The following FER1L6 variants were observed in gnomAD, a reference collection of about 807,000 sequenced individuals.
FER1L6 encodes the protein fer-1 like family member 6.
In FER1L6, 177 loss-of-function variants were observed where a neutral mutation model predicts 219.2. That is an observed-to-expected ratio of 0.81 (90% confidence interval 0.71 to 0.91). The LOEUF is 0.91. Ranked by LOEUF, FER1L6 falls within the 40% of genes least tolerant of loss-of-function variation. The pLI is 0.00. For missense variants in FER1L6, 2,153 were observed against 2,259.9 expected (o/e 0.95, Z 0.96); for synonymous variants, 768 against 824.3 (o/e 0.93, Z 1.17).
At chr8:124,040,301 T>G (rs1819428045) in intron 20 of FER1L6, 5 of 399,122 alleles carry the variant, frequency 1.3e-5, no homozygotes, top group Non-Finnish European at 2.4e-5. Context: ...CGAGGCCAAG[T>G]GCAGTGGGGA....
At chr8:123,982,345 T>C (rs1358622504) in intron 11 of FER1L6, among the ~76,000 whole-genome samples, 2 of 152,132 alleles carry the variant, frequency 1.3e-5, no homozygotes, top group Non-Finnish European at 2.9e-5. Context: ...AGTCGAAATA[T>C]CTTTAAGATA....
At chr8:124,016,279 T>A (rs1818196782) in intron 15 of FER1L6, among the ~76,000 whole-genome samples, 1 of 152,200 alleles carries the variant, frequency 6.6e-6, no homozygotes, top group Non-Finnish European at 1.5e-5. Context: ...TTAAAAAATT[T>A]AAAGAAAATG....
chr8:124,066,230 G>A (rs1820824209), intron 26 of FER1L6, among the ~76,000 whole-genome samples, 198 bp from the exon 27 acceptor site: 1 of 152,148 alleles, frequency 6.6e-6, no homozygotes, highest in Admixed American at 6.5e-5. Flanking sequence ...AATGCTAAAT[G>A]AATGAGTGAA....
At chr8:123,940,814 T>G (rs1814210470) in intron 1 of FER1L6, among the ~76,000 whole-genome samples, 1 of 152,192 alleles carries the variant, frequency 6.6e-6, no homozygotes, top group South Asian at 2.1e-4. Context: ...TGCTTTAAGT[T>G]TTACCAAATC....
chr8:124,067,617 T>C, intron 27 of FER1L6, 150 bp from the exon 28 acceptor site: 3 of 688,366 alleles, frequency 4.4e-6, no homozygotes, highest in Non-Finnish European at 7.4e-6. Flanking sequence ...ATCTTTACAG[T>C]GCGGCTTCAT....
At chr8:123,922,406 C>G (rs949386109) in intron 1 of FER1L6, among the ~76,000 whole-genome samples, 1 of 152,232 alleles carries the variant, frequency 6.6e-6, no homozygotes, top group Non-Finnish European at 1.5e-5. Context: ...AAAGAATCCT[C>G]AGGTTGCAGC....
At chr8:124,021,082 A>G (rs1818434877) in intron 16 of FER1L6, among the ~76,000 whole-genome samples, 1 of 152,118 alleles carries the variant, frequency 6.6e-6, no homozygotes, top group African/African-American at 2.4e-5. Context: ...CAAAAGGGGG[A>G]AAAGCTTCTT....
At chr8:124,007,087 T>C (rs900149518) in intron 13 of FER1L6, among the ~76,000 whole-genome samples, 1 of 152,262 alleles carries the variant, frequency 6.6e-6, no homozygotes, top group Non-Finnish European at 1.5e-5. Flanking sequence ...CAAAAACTTA[T>C]GTGGCTTCTC....
chr8:123,917,179 C>A (rs148717757), intron 1 of FER1L6, among the ~76,000 whole-genome samples: 200 of 152,154 alleles, frequency 1.3e-3, no homozygotes, highest in African/African-American at 4.6e-3. Context: ...GTCCATTTAC[C>A]CACTCACTCA....
intron 1 of FER1L6, among the ~76,000 whole-genome samples, chr8:123,877,534 T>C (rs911582785): frequency 6.6e-6 from 1 of 152,042 alleles, no homozygotes; most frequent in African/African-American, 2.4e-5. Flanking sequence ...GCCAAACACC[T>C]TCAGCAGTGG....
At position 124,023,511 on chromosome 8, in the gene FER1L6, G is replaced by A. The variant is rs371597054; in HGVS notation, c.2201G>A (p.Arg734His). ...LSNNRRVAYA[R>H]IASKDLLYSP... The stretch of plus-strand genomic sequence containing the variant: ...AACAACAGGAGAGTGGCCTATGCCC[G>A]CATCGCCTCCAAAGACCTCCTCTAT... Residue 734 changes from arginine to histidine, a missense_variant, in exon 18 of 41, where the codon CGC becomes CAC. Transcript: ENST00000522917. 73 of 1,613,980 alleles carry A rather than the reference G, an allele frequency of 4.5e-5. No individual in the cohort carries two copies. The highest frequency in any genetic ancestry group is 7.7e-5 in the South Asian group (7 of 91,068).
chr8:123,876,211 G>A (rs926651597), intron 1 of FER1L6, among the ~76,000 whole-genome samples: 1 of 152,050 alleles, frequency 6.6e-6, no homozygotes, highest in Non-Finnish European at 1.5e-5. Flanking sequence ...CACTCAGCAA[G>A]CTCCTTTCTC....
At chr8:124,076,803 C>T (rs1486515562) in intron 32 of FER1L6, among the ~76,000 whole-genome samples, 1 of 152,106 alleles carries the variant, frequency 6.6e-6, no homozygotes, top group Non-Finnish European at 1.5e-5. Flanking sequence ...GAATAATGGG[C>T]CAGAAGTTTA....
chr8:123,886,286 T>C (rs1239879664), intron 1 of FER1L6, among the ~76,000 whole-genome samples: 2 of 152,180 alleles, frequency 1.3e-5, no homozygotes, highest in African/African-American at 4.8e-5. Flanking sequence ...AGGTGTGGCC[T>C]AGTGGAAGGT....
intron 1 of FER1L6, among the ~76,000 whole-genome samples, chr8:123,895,932 G>A (rs1426531337): frequency 2.0e-5 from 3 of 152,292 alleles, no homozygotes; most frequent in East Asian, 3.9e-4. Context: ...GGACAATAGG[G>A]ATGGATTATT....
Position 124,111,181 on chromosome 8 carries a change from GAGAAA to G in FER1L6, c.5290-7655_5290-7651del, listed in dbSNP as rs968987468. 1.1e-4 allele frequency among the ~76,000 whole-genome samples: 16 copies of G among 152,186 alleles called. No homozygotes were observed. The highest frequency in any genetic ancestry group is 3.6e-4 in the African/African-American group (15 of 41,444). Reference sequence around the variant, plus strand: ...AACTTTTCTAAAGTAAATGCTCTAAGAGAAAAGAAAAGGGGGAAGGAAATCTCTTC... The same window carrying G: ...AACTTTTCTAAAGTAAATGCTCTAAGAGAAAAGGGGGAAGGAAATCTCTTC... On this transcript the variant is annotated intron_variant, in intron 39 of 40. Coordinates refer to ENST00000522917, the MANE Select transcript of FER1L6 (RefSeq NM_001039112.2). This position sits in a 1 kb window ranked among gnomAD's most constrained non-coding sequence, Gnocchi z 5.0.
At chr8:123,904,268 G>GTGTGTGTGTGTGTGT (rs1812913047) in intron 1 of FER1L6, among the ~76,000 whole-genome samples, 2 of 137,586 alleles carry the variant, frequency 1.5e-5, no homozygotes, top group African/African-American at 5.5e-5. Context: ...GTGTGTGTGT[G>GTGTGTGTGTGTGTGT]ATGTGTGGGG....
At chr8:124,069,323 C>A in intron 28 of FER1L6, 37 bp from the exon 29 acceptor site, 1 of 1,460,730 alleles carries the variant, frequency 6.8e-7, no homozygotes, top group Non-Finnish European at 9.6e-7. Context: ...TCATCTCAAC[C>A]GCCATGAGAA....
chr8:123,969,455 G>T (rs1312116821), intron 5 of FER1L6, among the ~76,000 whole-genome samples: 1 of 152,098 alleles, frequency 6.6e-6, no homozygotes, highest in Non-Finnish European at 1.5e-5. Context: ...ACTATCGAGG[G>T]TTGATAAGAT....
Sources: allele counts gnomAD v4.1 joint callset (sites outside exome capture counted in the v4.1 genomes callset), GRCh38; gene constraint gnomAD v4.1.1; non-coding constraint Gnocchi (gnomAD v3.1); transcripts MANE v1.5; gene names NCBI Gene and HGNC (gene_info 2026-07-23, HGNC 2026-07-21).